Variants in CHD4 observed in about 807,000 individuals in gnomAD.
CHD4 encodes the protein chromodomain helicase DNA binding protein 4, also known as ATP-dependent chromatin remodeler CHD4.
A neutral mutation model predicts 235.5 loss-of-function variants in CHD4; 35 were observed. That is an observed-to-expected ratio of 0.15 (90% CI 0.11 to 0.20). The LOEUF (loss-of-function observed/expected upper bound fraction) is 0.20, where lower values mean the gene tolerates loss of function less well. Ranked by LOEUF, CHD4 falls within the 10% of genes least tolerant of loss-of-function variation. The probability of loss-of-function intolerance (pLI) is 1.00; values close to 1 mark genes in which losing one functional copy is unlikely to be tolerated. For missense variants in CHD4, 1,329 were observed against 2,432.3 expected (o/e 0.55, Z 9.54); for synonymous variants, 900 against 850.2 (o/e 1.06, Z -1.02).
At position 6,578,485 on chromosome 12, in the gene CHD4, C is replaced by G. The variant is rs770231226; in HGVS notation, c.5043G>C (p.Lys1681Asn). 7.4e-6 allele frequency: 12 copies of G among 1,613,810 alleles called. No individual in the cohort carries two copies. Among genetic ancestry groups the G allele is most frequent in the Non-Finnish European group, 7.6e-6 (9 of 1,180,010 alleles). Residue 1681 changes from lysine to asparagine, a missense_variant, in exon 35 of 40, where the codon AAG (lysine) becomes AAC (asparagine). Transcript: ENST00000544040. The stretch of plus-strand genomic sequence containing the variant: ...TCTTCTGTTTCTCATCATTCAGGTC[C>G]TTGGGGGTCTCTCCATTCTGAAGCA... ...EVMLQNGETP[K>N]DLNDEKQKKN...
chr12:6,599,890 G>A lies in CHD4; in HGVS notation c.1365C>T (p.Cys455=), dbSNP rs753574212. 4 of 1,614,044 alleles carry A rather than the reference G, an allele frequency of 2.5e-6. No homozygotes were observed. The African/African-American group carries it at 5.3e-5, about 22-fold the overall frequency. The change falls in exon 10 of 40, where the codon TGC becomes TGT. Residue 455 remains cysteine, a synonymous_variant. Transcript: ENST00000544040. ...AGCAGAGCAGTTCCCCACCATCCTTGCAGACCCGACAGAATTCCATATGGT... is the reference window on the plus strand; with the variant it reads ...AGCAGAGCAGTTCCCCACCATCCTTACAGACCCGACAGAATTCCATATGGT... The part of the protein sequence containing the change: ...DDHHMEFCRV[C]KDGGELLCCD...
At position 6,587,123 on chromosome 12, in the gene CHD4, T is replaced by C. The variant is rs1948312669; in HGVS notation, c.3879+261A>G. On this transcript the variant is annotated intron_variant, in intron 25 of 39. Transcript: ENST00000544040. Reference sequence around the variant, plus strand: ...CATTTGTAAGGTTTAATAAAACACATAGGAGAAAATGACATTCTGGTAAAG... The same window carrying C: ...CATTTGTAAGGTTTAATAAAACACACAGGAGAAAATGACATTCTGGTAAAG... 6 of 469,818 alleles carry C rather than the reference T, an allele frequency of 1.3e-5. No homozygotes were observed. In the Admixed American group the frequency reaches 1.5e-4, roughly 12 times the overall value. 29.1% of individuals were successfully genotyped at this position (469,818 alleles called of 1,614,324 possible).
In CHD4 at chr12:6,582,860, A is replaced by C; in HGVS notation, c.4224T>G (p.Gly1408=). 6.2e-7 allele frequency: 1 copy of C among 1,613,960 alleles called. No individual in the cohort carries two copies. Among genetic ancestry groups the C allele is most frequent in the Admixed American group, 1.7e-5 (1 of 60,028 alleles). ...GTATGGCACTTACTTCAATATTCCC[A>C]CCAACACGGGCCAACAGAGGAGGCA... ...KPLPPLLARV[G]GNIEVLGFNA... The change falls in exon 28 of 40, where the codon GGT becomes GGG. Residue 1408 remains glycine, a synonymous_variant. Transcript: ENST00000544040.
intron 25 of CHD4, among the ~76,000 whole-genome samples, chr12:6,586,058 C>A (rs1211299340): frequency 6.6e-6 from 1 of 151,624 alleles, no homozygotes; most frequent in Non-Finnish European, 1.5e-5. Context: ...TGTGATCGCA[C>A]CACTGAACTC....
At chr12:6,595,260 A>G in intron 14 of CHD4, 74 bp downstream of exon 14, 1 of 1,248,472 alleles carries the variant, frequency 8.0e-7, no homozygotes, top group Non-Finnish European at 1.2e-6. Context: ...ATTACTTAAG[A>G]GTACCATCAT....
Position 6,581,193 on chromosome 12 carries a change from AAAAAC to A in CHD4, c.4780-25_4780-21del. 6.2e-7 allele frequency: 1 copy of A among 1,610,360 alleles called. No homozygotes were observed. Among genetic ancestry groups the A allele is most frequent in the Non-Finnish European group, 8.5e-7 (1 of 1,178,994 alleles). On this transcript the variant is annotated intron_variant, in intron 32 of 39. Transcript: ENST00000544040. ...TGTACACTTCAAAGGAAAAAAAAAC[AAAAAC>A]AAAACAGATGAAGCAGACAGGCCAG...
Position 6,583,184 on chromosome 12 carries a change from C to T in CHD4, c.4060+14G>A. On this transcript the variant is annotated intron_variant, in intron 26 of 39. Transcript: ENST00000544040. ...AACGGCCCATGGGTGGGGGGCGGGG[C>T]CGGCCACACACACCTCGGTCCTCCT... 1 of 1,613,420 alleles carries T rather than the reference C, an allele frequency of 6.2e-7. No individual in the cohort carries two copies. Among genetic ancestry groups the T allele is most frequent in the African/African-American group, 1.3e-5 (1 of 74,850 alleles).
At position 6,602,569 on chromosome 12, in the gene CHD4, G is replaced by A. The variant is rs570600730; in HGVS notation, c.101-72C>T. 2.2e-5 allele frequency: 35 copies of A among 1,562,650 alleles called. No individual in the cohort carries two copies. The African/African-American group carries it at 2.8e-4, about 12-fold the overall frequency. On this transcript the variant is annotated intron_variant, in intron 2 of 39. Transcript: ENST00000544040. ...CAAAAGGTTAGGCCCTAATCCAGAG[G>A]CTTTAGACTTTATTCCCCACCTCTT...
chr12:6,595,439 G>A lies in CHD4; in HGVS notation c.2025-9C>T, dbSNP rs1029337064. 6 of 1,611,780 alleles carry A rather than the reference G, an allele frequency of 3.7e-6. No homozygotes were observed. The African/African-American group carries it at 6.7e-5, about 18-fold the overall frequency. The stretch of plus-strand genomic sequence containing the variant: ...CACCCCTCATTAACTCCCTAAAGAA[G>A]AAAGACATCACACAGCTGCCCAAAA... On this transcript the variant is annotated splice_polypyrimidine_tract_variant and intron_variant, in intron 13 of 39. Coordinates refer to ENST00000544040, the MANE Select transcript of CHD4 (RefSeq NM_001273.5).
At chr12:6,601,181 C>T (rs1948583270) in intron 6 of CHD4, 108 bp downstream of exon 6, 2 of 1,533,742 alleles carry the variant, frequency 1.3e-6, no homozygotes, top group Non-Finnish European at 1.8e-6. Flanking sequence ...AGACTCATTC[C>T]TCCCTCCTAT....
Position 6,602,040 on chromosome 12 carries a change from G to A in CHD4, c.358C>T (p.Leu120Phe), listed in dbSNP as rs1173487990. 8 of 1,611,640 alleles carry A rather than the reference G, an allele frequency of 5.0e-6. No individual in the cohort carries two copies. In the Admixed American group the frequency reaches 1.2e-4, roughly 24 times the overall value. Residue 120 changes from leucine to phenylalanine, a missense_variant, in exon 4 of 40, where the codon CTT (leucine) becomes TTT (phenylalanine). Leu to Phe is a conservative substitution (Grantham distance 22). Coordinates refer to ENST00000544040, the MANE Select transcript of CHD4 (RefSeq NM_001273.5). ...YTPGKKKKKK[L>F]GPKKEKKSKS... ...CTCTTCTTCTCTTTCTTAGGTCCAA[G>A]CTTCTTCTTCTTCTTCTTGCCAGGA...
chr12:6,578,161 TGGG>T, intron 35 of CHD4, 24 bp from the exon 36 acceptor site: 1 of 1,584,286 alleles, frequency 6.3e-7, no homozygotes, highest in Non-Finnish European at 8.6e-7. Flanking sequence ...TAGGGAAGGT[TGGG>T]GGTGGGGGGA....
chr12:6,578,777 G>A (rs1481585238), intron 34 of CHD4, 69 bp downstream of exon 34: 61 of 1,474,686 alleles, frequency 4.1e-5, no homozygotes, highest in Non-Finnish European at 5.5e-5. Context: ...AGGGAGGCAG[G>A]GCAGATACAG....
chr12:6,598,123 GCCA>G, intron 11 of CHD4, 24 bp from the exon 12 acceptor site: 1 of 1,613,726 alleles, frequency 6.2e-7, no homozygotes, highest in Non-Finnish European at 8.5e-7. Context: ...GAGAAAATCA[GCCA>G]CCAAGAAGCT....
rs76548650 is a variant in CHD4 at position 6,591,445 on chromosome 12, A to C, written c.3340+21T>G. 1.7e-4 allele frequency: 270 copies of C among 1,592,654 alleles called. No homozygotes were observed. The African/African-American group carries it at 3.4e-3, about 20-fold the overall frequency. ...TAAGCAAATGAGGATTCCTGAAACT[A>C]AACAACTCCTTCTCTCTCACCATTG... On this transcript the variant is annotated intron_variant, in intron 22 of 39. Coordinates refer to ENST00000544040, the MANE Select transcript of CHD4 (RefSeq NM_001273.5).
rs1948440196 is a variant in CHD4 at position 6,593,795 on chromosome 12, G to C, written c.2314-179C>G. Among the ~76,000 whole-genome samples, 1 of 151,944 alleles carries C rather than the reference G, an allele frequency of 6.6e-6. No individual in the cohort carries two copies. Among genetic ancestry groups the C allele is most frequent in the African/African-American group, 2.4e-5 (1 of 41,336 alleles). On this transcript the variant is annotated intron_variant, in intron 15 of 39. Transcript: ENST00000544040. The surrounding 1 kb of genome is among the most constrained non-coding windows in gnomAD (Gnocchi z 4.9). ...GCCCACTCCTTTCCAAAAACCCAAGGTCCCACCATAACTACAAGTCTTACC... is the reference window on the plus strand; with the variant it reads ...GCCCACTCCTTTCCAAAAACCCAAGCTCCCACCATAACTACAAGTCTTACC...
intron 9 of CHD4, 43 bp downstream of exon 9, chr12:6,600,171 CCTT>C: frequency 1.9e-6 from 3 of 1,605,200 alleles, no homozygotes; most frequent in Non-Finnish European, 2.6e-6. Context: ...ACTGTCCCAC[CCTT>C]CTTCTCATGG....
At chr12:6,584,597 T>C (rs562451086) in intron 25 of CHD4, 1 of 152,346 alleles carries the variant, frequency 6.6e-6, no homozygotes, top group Non-Finnish European at 1.5e-5. Context: ...TTGCCCAAGT[T>C]GGTCTCCAAC....
At chr12:6,577,726 G>A in intron 37 of CHD4, 59 bp downstream of exon 37, 1 of 1,603,004 alleles carries the variant, frequency 6.2e-7, no homozygotes, top group East Asian at 2.2e-5. Context: ...CTCTGCTGCA[G>A]GACGTTACGC....
Sources: gnomAD v4.1 joint callset for allele counts (sites outside exome capture counted in the v4.1 genomes callset) on GRCh38, gnomAD v4.1.1 for gene constraint, Gnocchi (gnomAD v3.1) non-coding constraint, MANE v1.5 for transcripts, NCBI Gene and HGNC (gene_info 2026-07-23, HGNC 2026-07-21) for gene names.